Variants in RBFOX1 observed in about 807,000 individuals in gnomAD.
The protein encoded by RBFOX1 is RNA binding fox-1 homolog 1, also known as RNA binding protein fox-1 homolog 1.
In RBFOX1, 8 loss-of-function variants were observed where a neutral mutation model predicts 57.7. The ratio of observed to expected loss-of-function variants is 0.14; its 90% confidence interval spans 0.08 to 0.25. The LOEUF is 0.25. RBFOX1 is among the 10% of genes least tolerant of loss of function. The pLI is 1.00. For synonymous variants in RBFOX1, 326 were observed against 222.4 expected, an observed-to-expected ratio of 1.47 and a Z score of -4.15; for missense variants, 611 against 548.5, an observed-to-expected ratio of 1.11 and a Z score of -1.14.
intron 1 of RBFOX1, among the ~76,000 whole-genome samples, chr16:6,307,097 C>A (rs2079599875): frequency 6.6e-6 from 1 of 152,204 alleles, no homozygotes; most frequent in South Asian, 2.1e-4. Flanking sequence ...GATTTGCATT[C>A]TGGCTTTGCT....
intron 5 of RBFOX1, among the ~76,000 whole-genome samples, chr16:7,521,638 G>T (rs1280380301): frequency 6.6e-6 from 1 of 152,152 alleles, no homozygotes; most frequent in Admixed American, 6.5e-5. Context: ...GAGAATATAG[G>T]ATTTGTTTTC....
intron 3 of RBFOX1, among the ~76,000 whole-genome samples, chr16:6,942,420 A>T (rs140176543): frequency 4.6e-5 from 7 of 152,110 alleles, no homozygotes; most frequent in African/African-American, 9.7e-5. Flanking sequence ...CAGCCTCCCA[A>T]AATGCTGGGA....
At chr16:5,242,121 A>G (rs992955980) in intron 1 of RBFOX1, among the ~76,000 whole-genome samples, 13 of 139,004 alleles carry the variant, frequency 9.4e-5, no homozygotes, top group Non-Finnish European at 1.4e-4. Flanking sequence ...TTCAAGGAAA[A>G]GAGAGAGAGA....
At chr16:7,289,048 C>A (rs761338029) in intron 4 of RBFOX1, among the ~76,000 whole-genome samples, 2 of 152,110 alleles carry the variant, frequency 1.3e-5, no homozygotes, top group Non-Finnish European at 2.9e-5. Context: ...CTAAAAAGAT[C>A]ATAAATTATT....
intron 2 of RBFOX1, among the ~76,000 whole-genome samples, chr16:6,616,373 A>C (rs984623366): frequency 6.6e-6 from 1 of 152,074 alleles, no homozygotes; most frequent in South Asian, 2.1e-4. Context: ...ATACAGTAAA[A>C]ATGTTTGGTT....
rs1200453651 is a variant in RBFOX1, at chr16:7,168,037, T to C, written c.27+115939T>C. On this transcript the variant is annotated intron_variant, in intron 4 of 15. Transcript: ENST00000550418. ...ATTTCAATTTTTATGAAGCAGGTTT[T>C]TTCCTCCTTAGAGGAAAAACATGAA... 3.3e-5 allele frequency among the ~76,000 whole-genome samples: 5 copies of C among 152,184 alleles called. 1 individual carries two copies. The highest frequency in any genetic ancestry group is 7.3e-5 in the Non-Finnish European group (5 of 68,040).
chr16:7,017,613 T>G (rs892864935), intron 3 of RBFOX1, among the ~76,000 whole-genome samples: 5 of 152,140 alleles, frequency 3.3e-5, no homozygotes, highest in Non-Finnish European at 7.4e-5. Context: ...CAAGGTACAT[T>G]GTGGCCTCAG....
At chr16:7,080,609 T>C (rs560987845) in intron 4 of RBFOX1, among the ~76,000 whole-genome samples, 1 of 152,302 alleles carries the variant, frequency 6.6e-6, no homozygotes, top group Admixed American at 6.5e-5. Context: ...CCTTTTTTCA[T>C]GGTCCATGTT....
intron 4 of RBFOX1, among the ~76,000 whole-genome samples, chr16:7,078,281 A>T (rs1337900298): frequency 1.3e-5 from 2 of 152,190 alleles, no homozygotes; most frequent in African/African-American, 4.8e-5. Flanking sequence ...CCACCTTAGG[A>T]AGTGACCTAA....
intron 1 of RBFOX1, among the ~76,000 whole-genome samples, chr16:6,284,877 A>G (rs1236598535): frequency 6.6e-6 from 1 of 152,182 alleles, no homozygotes; most frequent in Admixed American, 6.5e-5. Context: ...TTAAAGGCTT[A>G]TTAACTGCAG....
At chr16:6,446,652 T>C (rs932706444) in intron 2 of RBFOX1, among the ~76,000 whole-genome samples, 2 of 152,176 alleles carry the variant, frequency 1.3e-5, no homozygotes, top group African/African-American at 4.8e-5. Flanking sequence ...AAAATGGGAA[T>C]AAGAACATCT....
At chr16:5,857,379 T>C (rs2057098870) in intron 3 of RBFOX1, among the ~76,000 whole-genome samples, 1 of 152,146 alleles carries the variant, frequency 6.6e-6, no homozygotes, top group Non-Finnish European at 1.5e-5. Flanking sequence ...ATTACCAAAA[T>C]GTGCCACAGA....
At chr16:7,223,784 T>G (rs746892906) in intron 4 of RBFOX1, among the ~76,000 whole-genome samples, 16 of 151,100 alleles carry the variant, frequency 1.1e-4, no homozygotes, top group Non-Finnish European at 2.2e-4. Context: ...TGTTTTCATT[T>G]CTGTCTGATA....
intron 3 of RBFOX1, among the ~76,000 whole-genome samples, chr16:5,770,474 G>A (rs535315885): frequency 6.6e-6 from 1 of 152,212 alleles, no homozygotes; most frequent in East Asian, 1.9e-4. Flanking sequence ...GGAAATTCAT[G>A]AATAACCCAC....
intron 1 of RBFOX1, among the ~76,000 whole-genome samples, chr16:6,271,365 A>T (rs758958619): frequency 8.5e-4 from 130 of 152,344 alleles, no homozygotes; most frequent in South Asian, 1.2e-3. Context: ...TGGAGGTTGC[A>T]GTGAGTCGAG....
chr16:6,365,361 C>T (rs574318053), intron 2 of RBFOX1, among the ~76,000 whole-genome samples: 76 of 139,148 alleles, frequency 5.5e-4, no homozygotes, highest in Middle Eastern at 3.9e-3. Flanking sequence ...GATGGATAGA[C>T]GGATGAGTGG....
At chr16:5,805,090 G>T (rs1027288056) in intron 3 of RBFOX1, among the ~76,000 whole-genome samples, 1 of 152,048 alleles carries the variant, frequency 6.6e-6, no homozygotes, top group African/African-American at 2.4e-5. Flanking sequence ...GATCTAGTGT[G>T]GATTTGGGCT....
chr16:7,515,688 A>T (rs968135510), intron 4 of RBFOX1, among the ~76,000 whole-genome samples: 1 of 152,220 alleles, frequency 6.6e-6, no homozygotes, highest in Admixed American at 6.5e-5. Context: ...ACAAACAGGG[A>T]TGGTGCTGAC....
chr16:5,699,254 C>G (rs1051667319), intron 3 of RBFOX1, among the ~76,000 whole-genome samples: 4 of 151,862 alleles, frequency 2.6e-5, no homozygotes, highest in Admixed American at 2.6e-4. Context: ...CCTAAGGGAT[C>G]TCGGTTTTCT....
Sources: gnomAD v4.1 joint callset for allele counts (sites outside exome capture counted in the v4.1 genomes callset) on GRCh38, gnomAD v4.1.1 for gene constraint, MANE v1.5 for transcripts, NCBI Gene and HGNC (gene_info 2026-07-23, HGNC 2026-07-21) for gene names.